RGS10: variants seen among roughly 807,000 people sequenced by gnomAD.
The protein encoded by RGS10 is regulator of G-protein signalling 10.
RGS10 carries 11 observed loss-of-function variants against 23.5 expected under a neutral mutation model. That is an observed-to-expected ratio of 0.47 (90% CI 0.29 to 0.77). The LOEUF (loss-of-function observed/expected upper bound fraction) is 0.77. Among genes scored for constraint, RGS10 ranks in the 30% least tolerant of loss-of-function variants. The pLI, the probability that RGS10 is intolerant of heterozygous loss-of-function variation, is 0.08. For synonymous variants in RGS10, 77 were observed against 83.2 expected (o/e 0.92, Z 0.41); for missense variants, 180 against 226.3 (o/e 0.80, Z 1.31).
rs896841978 is a variant in RGS10 at position 119,524,486 on chromosome 10, T to C, written c.255+1546A>G. ...GGACATCTGTTGGCTTGCTTGACTC[T>C]GAGCTAGGATTTTATGGTGAGGCTG... is the stretch of plus-strand genomic sequence containing the variant. On this transcript the variant is annotated intron_variant, in intron 3 of 4. Transcript: ENST00000369103. This position sits in a 1 kb window ranked among gnomAD's most constrained non-coding sequence, Gnocchi z 5.2. 6.6e-6 allele frequency among the ~76,000 whole-genome samples: 1 copy of C among 152,200 alleles called. No homozygotes were observed. The highest frequency in any genetic ancestry group is 1.5e-5 in the Non-Finnish European group (1 of 68,032).
In RGS10 at chr10:119,500,570, A is replaced by G. The variant is rs555905484; in HGVS notation, c.400-311T>C. On this transcript the variant is annotated intron_variant, in intron 4 of 4. Transcript: ENST00000369103. Reference sequence around the variant, plus strand: ...ACCAAGAAGTCCTTCAAGACTCTCCACTTTATTTGCCTAGATAAGACAAGG... The same window carrying G: ...ACCAAGAAGTCCTTCAAGACTCTCCGCTTTATTTGCCTAGATAAGACAAGG... 7.2e-4 allele frequency among the ~76,000 whole-genome samples: 110 copies of G among 152,046 alleles called. 1 individual carries two copies. Among genetic ancestry groups the G allele is most frequent in the African/African-American group, 2.5e-3 (103 of 41,472 alleles).
intron 1 of RGS10, among the ~76,000 whole-genome samples, chr10:119,532,117 TC>T (rs1314134466): frequency 1.3e-5 from 2 of 152,348 alleles, no homozygotes; most frequent in Middle Eastern, 6.8e-3. Context: ...GTTTTTATTT[TC>T]CCCAAAAATG....
intron 4 of RGS10, among the ~76,000 whole-genome samples, chr10:119,511,885 C>T (rs1018007055): frequency 1.3e-5 from 2 of 152,172 alleles, no homozygotes; most frequent in Non-Finnish European, 2.9e-5. Context: ...CTGCTCATCA[C>T]TCCATAGTCT....
At chr10:119,514,104 C>T (rs999768626) in intron 4 of RGS10, among the ~76,000 whole-genome samples, 1 of 151,792 alleles carries the variant, frequency 6.6e-6, no homozygotes, top group Admixed American at 6.6e-5. Context: ...GCCTGTAATC[C>T]CAGCACTCTG....
At chr10:119,528,224 T>C (rs1023131421) in intron 1 of RGS10, among the ~76,000 whole-genome samples, 4 of 151,866 alleles carry the variant, frequency 2.6e-5, no homozygotes, top group African/African-American at 4.8e-5. Flanking sequence ...AGAGACGGGG[T>C]TTTACCATGT....
chr10:119,507,032 C>G (rs1219485852), intron 4 of RGS10, among the ~76,000 whole-genome samples: 3 of 152,208 alleles, frequency 2.0e-5, no homozygotes, highest in African/African-American at 4.8e-5. Flanking sequence ...AGAAACATCT[C>G]AAAGTATCTC....
At chr10:119,500,338 A>G (rs570186641) in intron 4 of RGS10, 79 bp from the exon 5 acceptor site, 1 of 1,311,162 alleles carries the variant, frequency 7.6e-7, no homozygotes, top group South Asian at 1.5e-5. Flanking sequence ...ATGTATTAAT[A>G]CCTACCATGT....
intron 4 of RGS10, among the ~76,000 whole-genome samples, chr10:119,501,712 G>C (rs1463123248): frequency 2.0e-5 from 3 of 151,668 alleles, no homozygotes; most frequent in Admixed American, 2.0e-4. Flanking sequence ...AACAGAGTGA[G>C]ACTCTGTCTC....
rs1211381758 is a variant in RGS10 at position 119,500,051 on chromosome 10, G to A, written c.*62C>T. 14 of 1,555,164 alleles carry A rather than the reference G, an allele frequency of 9.0e-6. No homozygotes were observed. The highest frequency in any genetic ancestry group is 1.7e-4 in the Middle Eastern group (1 of 5,882). On this transcript the variant is annotated 3_prime_UTR_variant, in exon 5 of 5. Transcript: ENST00000369103. ...AAATAACAAAGCAATGATAAACCCG[G>A]CACGGTCCTGAGAGGAAATTCCTTT... is the stretch of plus-strand genomic sequence containing the variant.
At chr10:119,531,463 C>A (rs1019010454) in intron 1 of RGS10, among the ~76,000 whole-genome samples, 2 of 152,196 alleles carry the variant, frequency 1.3e-5, no homozygotes, top group African/African-American at 4.8e-5. Context: ...ATTTAGCCAA[C>A]AAAATGTCTG....
chr10:119,507,984 C>T (rs971913061), intron 4 of RGS10, among the ~76,000 whole-genome samples: 8 of 152,048 alleles, frequency 5.3e-5, no homozygotes, highest in Non-Finnish European at 1.0e-4. Flanking sequence ...CCCTAGCAGA[C>T]GCAAACTCTG....
intron 4 of RGS10, among the ~76,000 whole-genome samples, chr10:119,506,082 T>C (rs1844009538): frequency 6.6e-6 from 1 of 152,236 alleles, no homozygotes; most frequent in African/African-American, 2.4e-5. Context: ...AGACGTGCTT[T>C]TGTACCCACG....
intron 1 of RGS10, among the ~76,000 whole-genome samples, chr10:119,540,214 TCTTC>T (rs950734974): frequency 6.6e-6 from 1 of 152,026 alleles, no homozygotes; most frequent in Non-Finnish European, 1.5e-5. Flanking sequence ...TAGTGGCTGA[TCTTC>T]CTTCCTTCCT....
At chr10:119,523,702 T>C (rs571860935) in intron 3 of RGS10, among the ~76,000 whole-genome samples, 47 of 152,194 alleles carry the variant, frequency 3.1e-4, no homozygotes, top group Admixed American at 1.0e-3. Flanking sequence ...ATGTCAGGGG[T>C]ACAGGCATGG....
chr10:119,518,592 G>A (rs1025120909), intron 3 of RGS10, among the ~76,000 whole-genome samples: 10 of 152,110 alleles, frequency 6.6e-5, no homozygotes, highest in South Asian at 2.1e-4. Context: ...TCAGAAGAGC[G>A]CTGCTTCCCA....
At chr10:119,500,517 T>C (rs1843940913) in intron 4 of RGS10, among the ~76,000 whole-genome samples, 1 of 151,912 alleles carries the variant, frequency 6.6e-6, no homozygotes, top group African/African-American at 2.4e-5. Flanking sequence ...GAAATATAGA[T>C]TCACACAGCA....
In RGS10 at chr10:119,542,390, C is replaced by T. The variant is rs79364101; in HGVS notation, c.49+200G>A. Among the ~76,000 whole-genome samples, 9 of 152,366 alleles carry T rather than the reference C, an allele frequency of 5.9e-5. No homozygotes were observed. In the East Asian group the frequency reaches 1.7e-3, roughly 29 times the overall value. On this transcript the variant is annotated intron_variant, in intron 1 of 4. Coordinates refer to ENST00000369103, the MANE Select transcript of RGS10 (RefSeq NM_001005339.2). ...TTTCAGCCAAACTTCCTCCCCGGGG[C>T]TCCCGGAGGAGCTCTGCGCTCCCGT...
At chr10:119,518,351 C>A (rs1844170100) in intron 3 of RGS10, among the ~76,000 whole-genome samples, 1 of 152,204 alleles carries the variant, frequency 6.6e-6, no homozygotes, top group Admixed American at 6.5e-5. Flanking sequence ...AACTCGGGGA[C>A]TGCCCAGGAA....
intron 1 of RGS10, among the ~76,000 whole-genome samples, chr10:119,533,806 T>G (rs970773671): frequency 1.3e-5 from 2 of 152,260 alleles, no homozygotes; most frequent in Non-Finnish European, 2.9e-5. Context: ...AAAACATTTT[T>G]GCAATGAATA....
Sources: gnomAD v4.1 joint callset for allele counts (sites outside exome capture counted in the v4.1 genomes callset) on GRCh38, gnomAD v4.1.1 for gene constraint, Gnocchi (gnomAD v3.1) non-coding constraint, MANE v1.5 for transcripts, NCBI Gene and HGNC (gene_info 2026-07-23, HGNC 2026-07-21) for gene names.